Variants in POFUT4 observed in about 807,000 individuals in gnomAD.
POFUT4 encodes protein O-fucosyltransferase 4, also known as GDP-fucose protein O-fucosyltransferase 4.
the POFUT4 span, among the ~76,000 whole-genome samples, chr10:73,777,063 A>G: frequency 6.6e-6 from 1 of 152,124 alleles, no homozygotes; most frequent in South Asian, 2.1e-4. Context: ...AAACCTTGCC[A>G]TCATTCTTAC....
chr10:73,773,461 T>G, the POFUT4 span: 1 of 1,614,238 alleles, frequency 6.2e-7, no homozygotes, highest in East Asian at 2.2e-5. Flanking sequence ...ATTGATGATT[T>G]TGAGTCTCCT....
chr10:73,778,893 C>G, the POFUT4 span: 32,265 of 151,920 alleles, frequency 0.21, 4,578 homozygotes, highest in East Asian at 0.51. Context: ...GATCCCAGCA[C>G]TTTGGGAGGC....
At chr10:73,773,393 G>A in the POFUT4 span, 42 of 1,614,126 alleles carry the variant, frequency 2.6e-5, no homozygotes, top group African/African-American at 4.0e-5. Context: ...CTGTGCCCGT[G>A]TACCGCGGTT....
the POFUT4 span, chr10:73,773,602 G>T: frequency 1.9e-6 from 3 of 1,614,156 alleles, no homozygotes; most frequent in Non-Finnish European, 2.5e-6. Context: ...CGGGAGTGGG[G>T]AGTGAATGAT....
the POFUT4 span, among the ~76,000 whole-genome samples, chr10:73,778,409 A>C: frequency 6.6e-6 from 1 of 151,250 alleles, no homozygotes; most frequent in East Asian, 2.0e-4. Flanking sequence ...AAAAAAAAAA[A>C]AAAGCTTAGT....
At chr10:73,773,370 A>G in the POFUT4 span, 2 of 1,614,158 alleles carry the variant, frequency 1.2e-6, no homozygotes, top group Non-Finnish European at 1.7e-6. Flanking sequence ...GTGGCGTCCC[A>G]TGCACCTGGG....
chr10:73,772,473 T>G, the POFUT4 span: 4 of 1,552,262 alleles, frequency 2.6e-6, no homozygotes, highest in Non-Finnish European at 3.5e-6. Flanking sequence ...GGCGCGGTTT[T>G]CCGGCCGCCC....
At chr10:73,776,303 A>G in the POFUT4 span, 1 of 151,102 alleles carries the variant, frequency 6.6e-6, no homozygotes, top group Non-Finnish European at 1.5e-5. Flanking sequence ...TTGGTCTCCA[A>G]CTCCTGGATC....
At chr10:73,772,411 C>T in the POFUT4 span, 2 of 1,572,456 alleles carry the variant, frequency 1.3e-6, no homozygotes, top group South Asian at 1.2e-5. Flanking sequence ...GCCATGGGTC[C>T]GTAGCGGAGA....
At chr10:73,772,621 C>G in the POFUT4 span, 1 of 1,560,156 alleles carries the variant, frequency 6.4e-7, no homozygotes, top group African/African-American at 1.4e-5. Context: ...CGGAGCGCAT[C>G]GAGTGTGCGC....
chr10:73,773,923 A>G, the POFUT4 span: 10 of 1,238,610 alleles, frequency 8.1e-6, no homozygotes, highest in Non-Finnish European at 1.1e-5. Flanking sequence ...AAATTATCAC[A>G]TGGGCTCATT....
the POFUT4 span, chr10:73,779,366 C>T: frequency 6.6e-6 from 1 of 152,410 alleles, no homozygotes; most frequent in Non-Finnish European, 1.5e-5. Context: ...GAGTTCAAGA[C>T]CAGCCTGACC....
the POFUT4 span, among the ~76,000 whole-genome samples, chr10:73,776,828 C>T: frequency 6.6e-6 from 1 of 152,108 alleles, no homozygotes; most frequent in Non-Finnish European, 1.5e-5. Context: ...TACAGGCATG[C>T]ACCACCACGC....
the POFUT4 span, chr10:73,775,169 C>A: frequency 1.9e-6 from 1 of 515,118 alleles, no homozygotes; most frequent in Non-Finnish European, 3.5e-6. Flanking sequence ...TGATTATTGG[C>A]ATAAAGGTGA....
the POFUT4 span, chr10:73,772,778 T>C: frequency 6.2e-7 from 1 of 1,609,482 alleles, no homozygotes; most frequent in Non-Finnish European, 8.5e-7. Flanking sequence ...CCACGAGGAG[T>C]CGCCCCTCAA....
At chr10:73,772,458 G>C in the POFUT4 span, 7 of 1,556,184 alleles carry the variant, frequency 4.5e-6, no homozygotes, top group Non-Finnish European at 6.1e-6. Flanking sequence ...GCGGAACCGT[G>C]GGATGGCGCG....
chr10:73,773,850 C>A, the POFUT4 span: 1 of 1,517,072 alleles, frequency 6.6e-7, no homozygotes, highest in Non-Finnish European at 8.8e-7. Context: ...GCTATCAAAT[C>A]ATTTACTTAC....
chr10:73,779,925 A>G, the POFUT4 span: 2 of 152,152 alleles, frequency 1.3e-5, no homozygotes, highest in African/African-American at 2.4e-5. Context: ...TATTCCTATC[A>G]CCATATACGT....
the POFUT4 span, among the ~76,000 whole-genome samples, chr10:73,777,556 C>CT: frequency 8.5e-4 from 121 of 142,802 alleles, no homozygotes; most frequent in South Asian, 0.013. Context: ...TTCCCTATGA[C>CT]TTTTTTTTTT....
Sources: gnomAD v4.1 joint callset for allele counts (sites outside exome capture counted in the v4.1 genomes callset) on GRCh38, gnomAD v4.1.1 for gene constraint, MANE v1.5 for transcripts, NCBI Gene and HGNC (gene_info 2026-07-23, HGNC 2026-07-21) for gene names.